Variants in MACROD2 observed in about 807,000 individuals in gnomAD.
MACROD2 encodes the protein mono-ADP ribosylhydrolase 2.
In MACROD2, 36 loss-of-function variants were observed where a neutral mutation model predicts 70.4. The ratio of observed to expected loss-of-function variants is 0.51; its 90% confidence interval spans 0.39 to 0.68. The LOEUF (loss-of-function observed/expected upper bound fraction) is 0.68, where lower values mean the gene tolerates loss of function less well. Ranked by LOEUF, MACROD2 falls within the 30% of genes least tolerant of loss-of-function variation. The pLI, the probability that MACROD2 is intolerant of heterozygous loss-of-function variation, is 0.00. For synonymous variants in MACROD2, 172 were observed against 178.8 expected, an observed-to-expected ratio of 0.96 and a Z score of 0.30; for missense variants, 496 against 538.4, an observed-to-expected ratio of 0.92 and a Z score of 0.78.
chr20:14,995,706 A>G (rs538926896), intron 5 of MACROD2, among the ~76,000 whole-genome samples: 4 of 152,258 alleles, frequency 2.6e-5, no homozygotes, highest in Admixed American at 2.0e-4. Context: ...ATGGTAAGAA[A>G]TTCAGAAATG....
At chr20:16,044,747 C>T (rs1041298859) in intron 17 of MACROD2, 108 bp downstream of exon 17, 12 of 959,594 alleles carry the variant, frequency 1.3e-5, no homozygotes, top group Non-Finnish European at 1.7e-5. Context: ...CACAGCATGG[C>T]TTGGGATAAA....
At chr20:14,309,468 A>C (rs535188420) in intron 3 of MACROD2, among the ~76,000 whole-genome samples, 1 of 152,164 alleles carries the variant, frequency 6.6e-6, no homozygotes, top group African/African-American at 2.4e-5. Flanking sequence ...TGTATTTTCT[A>C]AATTCTTGGG....
rs66890047 is a variant in MACROD2 at position 14,101,993 on chromosome 20, C to CTTTT, written c.271+16290_271+16293dup. ...ATAATTTGGATGTCTTTTAATGAGTCTTTTTTTTTTTTTTTTTTTTTTTTT... is the reference window on the plus strand; with the variant it reads ...ATAATTTGGATGTCTTTTAATGAGTCTTTTTTTTTTTTTTTTTTTTTTTTTTTTT... On this transcript the variant is annotated intron_variant, in intron 3 of 17. Coordinates refer to ENST00000684519, the MANE Select transcript of MACROD2 (RefSeq NM_001351661.2). Among the ~76,000 whole-genome samples the CTTTT allele has an allele frequency of 8.0e-5, 2 of 25,050 alleles. 1 individual carries two copies. The highest frequency in any genetic ancestry group is 3.1e-4 in the African/African-American group (2 of 6,398). The allele number at this position is 25,050 out of a possible 152,430, so 16.4% of individuals were successfully genotyped here. A position where few individuals can be genotyped will look rare whatever the true frequency, so the allele number is the denominator to read the frequency against.
intron 8 of MACROD2, among the ~76,000 whole-genome samples, chr20:15,545,816 G>T (rs1241851646): frequency 6.6e-6 from 1 of 152,196 alleles, no homozygotes; most frequent in Non-Finnish European, 1.5e-5. Flanking sequence ...TATGGCAAAA[G>T]AATGCCTTCC....
chr20:15,421,648 C>T lies in MACROD2; in HGVS notation c.541-9757C>T, dbSNP rs111844823. Reference sequence around the variant, plus strand: ...CAATTTGTATAGAAGAAAAATATGGCGATGCTTGTATAGATCTTATAACTT... The same window carrying T: ...CAATTTGTATAGAAGAAAAATATGGTGATGCTTGTATAGATCTTATAACTT... On this transcript the variant is annotated intron_variant, in intron 6 of 17. Transcript: ENST00000684519. Among the ~76,000 whole-genome samples the T allele has an allele frequency of 8.2e-4, 125 of 152,246 alleles. 2 individuals are homozygous for T. The highest frequency in any genetic ancestry group is 2.5e-3 in the African/African-American group (104 of 41,536).
At chr20:14,039,921 C>T (rs1274050288) in intron 2 of MACROD2, among the ~76,000 whole-genome samples, 2 of 151,916 alleles carry the variant, frequency 1.3e-5, no homozygotes, top group Middle Eastern at 3.4e-3. Flanking sequence ...TCAGTGATGT[C>T]GCTAATCTAT....
chr20:15,665,999 A>AC, intron 8 of MACROD2, among the ~76,000 whole-genome samples: 1 of 152,092 alleles, frequency 6.6e-6, no homozygotes, highest in Admixed American at 6.5e-5. Context: ...TAAAAAAAAA[A>AC]AGTGTTAGTT....
intron 3 of MACROD2, among the ~76,000 whole-genome samples, chr20:14,101,139 G>T: frequency 6.6e-6 from 1 of 151,246 alleles, no homozygotes; most frequent in Admixed American, 6.6e-5. Context: ...GATTTTCTAG[G>T]CATATACATT....
chr20:15,539,905 G>A (rs552125979), intron 8 of MACROD2, among the ~76,000 whole-genome samples: 3 of 152,290 alleles, frequency 2.0e-5, no homozygotes, highest in Admixed American at 1.3e-4. Context: ...GGAGAATGGC[G>A]TGAACCCGGG....
chr20:14,695,224 A>G (rs1050943906), intron 5 of MACROD2, among the ~76,000 whole-genome samples: 24 of 152,184 alleles, frequency 1.6e-4, no homozygotes, highest in Admixed American at 1.6e-3. Flanking sequence ...GAGCAGATCC[A>G]TCCTTGCCTC....
intron 8 of MACROD2, among the ~76,000 whole-genome samples, chr20:15,792,631 A>T (rs2063635175): frequency 6.6e-6 from 1 of 152,182 alleles, no homozygotes; most frequent in Admixed American, 6.5e-5. Context: ...AATCAATCAG[A>T]TTGATAGCAG....
chr20:14,563,768 C>T (rs1979596519), intron 4 of MACROD2, among the ~76,000 whole-genome samples: 1 of 151,790 alleles, frequency 6.6e-6, no homozygotes, highest in African/African-American at 2.4e-5. Context: ...GTATCACTGC[C>T]AGGTTATTAA....
intron 5 of MACROD2, among the ~76,000 whole-genome samples, chr20:15,053,896 G>A (rs935521318): frequency 5.9e-5 from 9 of 152,168 alleles, no homozygotes; most frequent in Non-Finnish European, 1.0e-4. Context: ...ATATCAACAT[G>A]AACAGGAGCT....
At chr20:14,194,709 C>A (rs1403600960) in intron 3 of MACROD2, among the ~76,000 whole-genome samples, 2 of 152,164 alleles carry the variant, frequency 1.3e-5, no homozygotes. Flanking sequence ...CAATAAAACT[C>A]TTGGCTGAGA....
intron 8 of MACROD2, among the ~76,000 whole-genome samples, chr20:15,559,991 C>T (rs1328169646): frequency 6.6e-6 from 1 of 152,182 alleles, no homozygotes; most frequent in African/African-American, 2.4e-5. Flanking sequence ...GTTTATTATT[C>T]TCAAACTGCA....
At chr20:14,500,402 A>G (rs2084903725) in intron 4 of MACROD2, among the ~76,000 whole-genome samples, 1 of 152,170 alleles carries the variant, frequency 6.6e-6, no homozygotes, top group Admixed American at 6.5e-5. Flanking sequence ...CAGTCTAGGG[A>G]CCATCTCTAC....
intron 5 of MACROD2, among the ~76,000 whole-genome samples, chr20:15,138,249 G>A (rs926045460): frequency 1.3e-5 from 2 of 152,084 alleles, no homozygotes; most frequent in Non-Finnish European, 2.9e-5. Flanking sequence ...AATAGTTTCA[G>A]TATATTTTGT....
intron 10 of MACROD2, among the ~76,000 whole-genome samples, chr20:15,930,650 C>T (rs2065561956): frequency 6.6e-6 from 1 of 152,144 alleles, no homozygotes; most frequent in African/African-American, 2.4e-5. Context: ...TTCCCCAGGG[C>T]AGAAATACTG....
At position 15,095,143 on chromosome 20, in the gene MACROD2, C is replaced by T. The variant is rs192641942; in HGVS notation, c.419-134797C>T. ...CCAGGCTGGAGTGCAGTGATGTGAT[C>T]TCGGCTCACTGCAAGCTCCGCCTCC... On this transcript the variant is annotated intron_variant, in intron 5 of 17. Coordinates refer to ENST00000684519, the MANE Select transcript of MACROD2 (RefSeq NM_001351661.2). Among the ~76,000 whole-genome samples, 373 of 133,978 alleles carry T rather than the reference C, an allele frequency of 2.8e-3. 6 individuals carry two copies. Among genetic ancestry groups the T allele is most frequent in the Non-Finnish European group, 3.8e-3 (246 of 64,512 alleles). 87.9% of individuals were successfully genotyped at this position (133,978 alleles called of 152,430 possible). A position where few individuals can be genotyped will look rare whatever the true frequency, so the allele number is the denominator to read the frequency against.
Sources: gnomAD v4.1 joint callset for allele counts (sites outside exome capture counted in the v4.1 genomes callset) on GRCh38, gnomAD v4.1.1 for gene constraint, MANE v1.5 for transcripts, NCBI Gene and HGNC (gene_info 2026-07-23, HGNC 2026-07-21) for gene names.